The following ATL1 variants were observed in gnomAD, a reference collection of about 807,000 sequenced individuals.
The protein encoded by ATL1 is atlastin-1.
In ATL1, 31 loss-of-function variants were observed where a neutral mutation model predicts 75.5. That is an observed-to-expected ratio of 0.41 (90% CI 0.31 to 0.55). The LOEUF (loss-of-function observed/expected upper bound fraction) is 0.55. Ranked by LOEUF, ATL1 falls within the 20% of genes least tolerant of loss-of-function variation. ATL1 has a pLI of 0.27. For synonymous variants in ATL1, 226 were observed against 233.3 expected (o/e 0.97, Z 0.28); for missense variants, 405 against 662.6 (o/e 0.61, Z 4.27).
intron 7 of ATL1, 66 bp from the exon 8 acceptor site, chr14:50,614,307 T>C (rs2039394252): frequency 6.5e-7 from 1 of 1,543,012 alleles, no homozygotes; most frequent in South Asian, 1.1e-5. Context: ...AAATATAAGA[T>C]GCCACAGAAT....
chr14:50,583,721 T>C (rs1418539589), intron 1 of ATL1, among the ~76,000 whole-genome samples: 1 of 152,216 alleles, frequency 6.6e-6, no homozygotes, highest in African/African-American at 2.4e-5. Context: ...AGGGTTAAAA[T>C]AGCCAAGACC....
intron 9 of ATL1, among the ~76,000 whole-genome samples, chr14:50,621,188 T>C (rs1436328599): frequency 6.6e-6 from 1 of 152,238 alleles, no homozygotes; most frequent in African/African-American, 2.4e-5. Flanking sequence ...ATTTACCTGT[T>C]TACCTTCCTT....
At position 50,595,563 on chromosome 14, in the gene ATL1, A is replaced by G; in HGVS notation, c.574-13A>G. The G allele has an allele frequency of 6.2e-7, 1 of 1,608,986 alleles. No individual in the cohort carries two copies. The highest frequency in any genetic ancestry group is 8.5e-7 in the Non-Finnish European group (1 of 1,177,162). The stretch of plus-strand genomic sequence containing the variant: ...CTCTCTGTGTATGTGTGTGTGTGTA[A>G]TTTTTTTTCTAGCTTTTCACTGAGT... On this transcript the variant is annotated splice_polypyrimidine_tract_variant and intron_variant, in intron 5 of 13. Coordinates refer to ENST00000358385, the MANE Select transcript of ATL1 (RefSeq NM_015915.5).
At chr14:50,595,528 C>G (rs2039207220) in intron 5 of ATL1, 48 bp from the exon 6 acceptor site, 3 of 1,574,630 alleles carry the variant, frequency 1.9e-6, no homozygotes, top group African/African-American at 2.7e-5. Context: ...TTCTCTCTCT[C>G]TCTCTCTCTC....
chr14:50,555,879 T>C (rs912853119), upstream of ATL1, among the ~76,000 whole-genome samples: 2 of 152,186 alleles, frequency 1.3e-5, no homozygotes, highest in Non-Finnish European at 2.9e-5. Context: ...CTAAGATTGC[T>C]ATTTATAGAG....
At chr14:50,623,647 C>T (rs1245152268) in intron 11 of ATL1, among the ~76,000 whole-genome samples, 2 of 151,824 alleles carry the variant, frequency 1.3e-5, no homozygotes, top group Admixed American at 6.6e-5. Context: ...CCCTAAGGGC[C>T]ATTATTTCTA....
At chr14:50,614,337 T>TGAAA (rs2039394391) in intron 7 of ATL1, 36 bp from the exon 8 acceptor site, 1 of 1,611,724 alleles carries the variant, frequency 6.2e-7, no homozygotes, top group Non-Finnish European at 8.5e-7. Context: ...TAATTTGTGA[T>TGAAA]GAAAGTAGTT....
chr14:50,536,256 C>T (rs1490202829), intron 1 of ATL1, among the ~76,000 whole-genome samples: 1 of 152,032 alleles, frequency 6.6e-6, no homozygotes, highest in Non-Finnish European at 1.5e-5. Context: ...ACCAGCCTGA[C>T]CAAAACCCCA....
chr14:50,571,987 C>G, intron 1 of ATL1: 1 of 471,042 alleles, frequency 2.1e-6, no homozygotes, highest in Non-Finnish European at 4.1e-6. Flanking sequence ...TTTTGTTGCC[C>G]GCTAGTTGCC....
chr14:50,625,517 T>C (rs1212487930), intron 11 of ATL1, among the ~76,000 whole-genome samples: 1 of 151,980 alleles, frequency 6.6e-6, no homozygotes, highest in Non-Finnish European at 1.5e-5. Context: ...AGAGGAGAGG[T>C]CAATGCCTGG....
chr14:50,536,173 CA>C (rs1287066497), intron 1 of ATL1, among the ~76,000 whole-genome samples: 1 of 152,204 alleles, frequency 6.6e-6, no homozygotes, highest in African/African-American at 2.4e-5. Context: ...GGTCTGGCGC[CA>C]TGGCCCATGC....
intron 1 of ATL1, among the ~76,000 whole-genome samples, chr14:50,534,116 C>A (rs561801338): frequency 4.9e-4 from 74 of 152,288 alleles, no homozygotes; most frequent in African/African-American, 1.6e-3. Flanking sequence ...GTCATAGATT[C>A]ATTTGAGATT....
At chr14:50,615,053 A>G (rs897615924) in intron 8 of ATL1, among the ~76,000 whole-genome samples, 6 of 152,212 alleles carry the variant, frequency 3.9e-5, no homozygotes, top group Admixed American at 6.5e-5. Flanking sequence ...ATAGGATGTA[A>G]TTATGTCTTT....
At chr14:50,607,081 G>A (rs1171154637) in intron 6 of ATL1, among the ~76,000 whole-genome samples, 1 of 151,958 alleles carries the variant, frequency 6.6e-6, no homozygotes, top group African/African-American at 2.4e-5. Flanking sequence ...AAGCAAATCA[G>A]AACTCAGAGT....
At chr14:50,598,728 A>G (rs1350344685) in intron 6 of ATL1, among the ~76,000 whole-genome samples, 3 of 152,224 alleles carry the variant, frequency 2.0e-5, no homozygotes, top group Non-Finnish European at 4.4e-5. Context: ...AGCCATAGCA[A>G]TGAAAATGGT....
At chr14:50,595,736 A>C in intron 6 of ATL1, 104 bp downstream of exon 6, 6 of 1,137,118 alleles carry the variant, frequency 5.3e-6, no homozygotes, top group Non-Finnish European at 4.0e-6. Context: ...TATTTCATTG[A>C]GAAACCATTT....
intron 11 of ATL1, among the ~76,000 whole-genome samples, chr14:50,627,463 C>T (rs765306010): frequency 6.6e-6 from 1 of 152,072 alleles, no homozygotes; most frequent in Non-Finnish European, 1.5e-5. Context: ...TGTAACTTTT[C>T]AAAAAATTGA....
At chr14:50,544,725 G>A (rs1229741065) in intron 1 of ATL1, among the ~76,000 whole-genome samples, 2 of 151,936 alleles carry the variant, frequency 1.3e-5, no homozygotes, top group African/African-American at 4.8e-5. Flanking sequence ...CTTGAGCTCG[G>A]GAGTTTGAGA....
intron 1 of ATL1, among the ~76,000 whole-genome samples, chr14:50,583,454 A>G (rs1279080913): frequency 1.3e-5 from 2 of 152,202 alleles, no homozygotes; most frequent in Admixed American, 1.3e-4. Flanking sequence ...TAAAACAACA[A>G]CAAATAAACC....
Sources: gnomAD v4.1 joint callset for allele counts (sites outside exome capture counted in the v4.1 genomes callset) on GRCh38, gnomAD v4.1.1 for gene constraint, MANE v1.5 for transcripts, NCBI Gene and HGNC (gene_info 2026-07-23, HGNC 2026-07-21) for gene names.